VAT1L: variants seen among roughly 807,000 people sequenced by gnomAD.
VAT1L encodes vesicle amine transport 1 like, also known as putative NADPH-dependent quinone oxidoreductase VAT1L.
VAT1L carries 34 observed loss-of-function variants against 44.1 expected under a neutral mutation model. That is an observed-to-expected ratio of 0.77 (90% CI 0.59 to 1.03). The LOEUF (loss-of-function observed/expected upper bound fraction) is 1.03, where lower values mean the gene tolerates loss of function less well. Among genes scored for constraint, VAT1L ranks in the 50% least tolerant of loss-of-function variants. The probability of loss-of-function intolerance (pLI) is 0.00; values close to 1 mark genes in which losing one functional copy is unlikely to be tolerated. For synonymous variants in VAT1L, 253 were observed against 202.2 expected (o/e 1.25, Z -2.13); for missense variants, 615 against 538.8 (o/e 1.14, Z -1.40).
At chr16:77,954,593 C>T (rs1334249979) in intron 7 of VAT1L, among the ~76,000 whole-genome samples, 1 of 152,106 alleles carries the variant, frequency 6.6e-6, no homozygotes, top group Non-Finnish European at 1.5e-5. Context: ...CCACTGTAGT[C>T]CAGCCTGGGC....
intron 7 of VAT1L, among the ~76,000 whole-genome samples, chr16:77,961,281 T>A (rs752024897): frequency 4.6e-5 from 7 of 152,190 alleles, no homozygotes; most frequent in Non-Finnish European, 1.0e-4. Context: ...TGCACGGTGA[T>A]CTAGCTCCTG....
chr16:77,839,059 A>G (rs1285831265), intron 3 of VAT1L, among the ~76,000 whole-genome samples: 2 of 152,070 alleles, frequency 1.3e-5, no homozygotes. Context: ...CATCGATGGC[A>G]GTGGTAATTG....
chr16:77,837,776 C>A (rs529996098), intron 3 of VAT1L, among the ~76,000 whole-genome samples: 11 of 152,250 alleles, frequency 7.2e-5, no homozygotes, highest in South Asian at 4.1e-4. Flanking sequence ...AGGTCTAATA[C>A]GTATTGTATC....
chr16:77,919,572 A>AT (rs1185458327), intron 7 of VAT1L, among the ~76,000 whole-genome samples: 2 of 152,106 alleles, frequency 1.3e-5, no homozygotes, highest in Non-Finnish European at 2.9e-5. Context: ...CTCAGATCCC[A>AT]TTTTTTCAAT....
chr16:77,900,960 G>A (rs994934201), intron 7 of VAT1L, among the ~76,000 whole-genome samples: 2 of 151,828 alleles, frequency 1.3e-5, no homozygotes, highest in Non-Finnish European at 2.9e-5. Context: ...AATGCAAGAG[G>A]CATTTGCTTT....
At chr16:77,809,591 A>G (rs1444164412) in intron 1 of VAT1L, among the ~76,000 whole-genome samples, 1 of 152,200 alleles carries the variant, frequency 6.6e-6, no homozygotes, top group Non-Finnish European at 1.5e-5. Context: ...ACTTTCAGAA[A>G]AAATAAATGT....
intron 7 of VAT1L, among the ~76,000 whole-genome samples, chr16:77,941,573 A>C (rs887036533): frequency 1.3e-5 from 2 of 152,172 alleles, no homozygotes; most frequent in Non-Finnish European, 2.9e-5. Flanking sequence ...TTCTGTTTTT[A>C]GCTCTTTGAG....
intron 8 of VAT1L, among the ~76,000 whole-genome samples, chr16:77,976,692 C>G (rs2018344441): frequency 6.6e-6 from 1 of 152,128 alleles, no homozygotes; most frequent in Non-Finnish European, 1.5e-5. Flanking sequence ...CAGCCCTTTG[C>G]TAGACTCTTT....
In VAT1L at chr16:77,977,795, T is replaced by A; in HGVS notation, c.*100T>A. The A allele has an allele frequency of 8.6e-7, 1 of 1,168,362 alleles. No individual in the cohort carries two copies. The highest frequency in any genetic ancestry group is 1.5e-5 in the African/African-American group (1 of 64,898). The allele number at this position is 1,168,362 out of a possible 1,614,324, so 72.4% of individuals were successfully genotyped here. On this transcript the variant is annotated 3_prime_UTR_variant, in exon 9 of 9. Transcript: ENST00000302536. ...CCAGTGAACAAATGCTGTAGTCCAG[T>A]GCGTGTCGTGTTTGTCTGCAGTCAG...
At chr16:77,833,065 CTCT>C (rs2016597834) in intron 3 of VAT1L, among the ~76,000 whole-genome samples, 2 of 152,194 alleles carry the variant, frequency 1.3e-5, no homozygotes, top group Non-Finnish European at 2.9e-5. Flanking sequence ...TCATGGTTTG[CTCT>C]TCTTCAACAT....
At chr16:77,945,401 C>G (rs1045060853) in intron 7 of VAT1L, among the ~76,000 whole-genome samples, 1 of 149,534 alleles carries the variant, frequency 6.7e-6, no homozygotes, top group Non-Finnish European at 1.5e-5. Context: ...ATCTTACCAC[C>G]TCAGTCTCCT....
chr16:77,958,103 T>C (rs187157394), intron 7 of VAT1L, among the ~76,000 whole-genome samples: 3 of 152,176 alleles, frequency 2.0e-5, no homozygotes, highest in Admixed American at 1.3e-4. Flanking sequence ...AGATGAGCAT[T>C]TGCCATGTGG....
At chr16:77,847,548 G>C (rs78943173) in intron 3 of VAT1L, among the ~76,000 whole-genome samples, 2,499 of 152,322 alleles carry the variant, frequency 0.016, 67 homozygotes, top group African/African-American at 0.058. Context: ...GTGTGGACAT[G>C]ATAGAGCTCA....
rs551734565 is a variant in VAT1L, at chr16:77,900,759, C to G, written c.1077+15957C>G. 5.4e-4 allele frequency among the ~76,000 whole-genome samples: 82 copies of G among 151,552 alleles called. 1 individual carries two copies. The highest frequency in any genetic ancestry group is 1.9e-3 in the African/African-American group (79 of 41,292). On this transcript the variant is annotated intron_variant, in intron 7 of 8. Transcript: ENST00000302536. ...TTGCCCATAATTGTGCCACCCTAAA[C>G]AAAACCATTGTTATTGTCAGACTGT... is the stretch of plus-strand genomic sequence containing the variant.
At chr16:77,883,100 AAATTTTCACT>A (rs1203160538) in intron 6 of VAT1L, among the ~76,000 whole-genome samples, 1 of 152,206 alleles carries the variant, frequency 6.6e-6, no homozygotes, top group Non-Finnish European at 1.5e-5. Flanking sequence ...AAAAAATAAA[AAATTTTCACT>A]TTAGTCAGTC....
chr16:77,975,000 G>A (rs2018320560), intron 8 of VAT1L, among the ~76,000 whole-genome samples: 1 of 152,010 alleles, frequency 6.6e-6, no homozygotes, highest in South Asian at 2.1e-4. Context: ...AGGAAAGGGA[G>A]CATGTCTTGA....
intron 4 of VAT1L, among the ~76,000 whole-genome samples, chr16:77,874,811 C>G (rs1329337358): frequency 1.5e-5 from 2 of 132,898 alleles, no homozygotes; most frequent in African/African-American, 5.7e-5. Context: ...GTGCCCACTG[C>G]TGAATATTTA....
intron 7 of VAT1L, among the ~76,000 whole-genome samples, chr16:77,890,483 C>T (rs1338131406): frequency 6.6e-6 from 1 of 152,136 alleles, no homozygotes; most frequent in African/African-American, 2.4e-5. Context: ...CCCTGAGGCC[C>T]ACTCTGGCCC....
Position 77,803,958 on chromosome 16 carries a change from C to T in VAT1L, c.234-12963C>T, listed in dbSNP as rs369162332. Among the ~76,000 whole-genome samples the T allele has an allele frequency of 4.1e-4, 62 of 152,206 alleles. 1 individual carries two copies. Among genetic ancestry groups the T allele is most frequent in the Admixed American group, 9.8e-4 (15 of 15,284 alleles). ...TGTGAGAAGAACCTGATCCCAGTGACGTGATTTAAGAACTACCCTCTCTGT... is the reference window on the plus strand; with the variant it reads ...TGTGAGAAGAACCTGATCCCAGTGATGTGATTTAAGAACTACCCTCTCTGT... On this transcript the variant is annotated intron_variant, in intron 1 of 8. Transcript: ENST00000302536.
Sources: gnomAD v4.1 joint callset for allele counts (sites outside exome capture counted in the v4.1 genomes callset) on GRCh38, gnomAD v4.1.1 for gene constraint, MANE v1.5 for transcripts, NCBI Gene and HGNC (gene_info 2026-07-23, HGNC 2026-07-21) for gene names.